Variants in PLA2G10 observed in about 807,000 individuals in gnomAD.
The protein encoded by PLA2G10 is phospholipase A2 group X, also known as group 10 secretory phospholipase A2.
PLA2G10 carries 9 observed loss-of-function variants against 7.9 expected under a neutral mutation model. The observed-to-expected ratio is 1.14, with a 90% confidence interval of 0.68 to 1.98. PLA2G10 has a LOEUF of 1.98. Ranked by LOEUF, PLA2G10 falls within the 30% of genes most tolerant of loss-of-function variation. The probability of loss-of-function intolerance (pLI) is 0.00; values close to 1 mark genes in which losing one functional copy is unlikely to be tolerated. For synonymous variants in PLA2G10, 19 were observed against 27.5 expected (o/e 0.69, Z 0.97); for missense variants, 53 against 65.4 (o/e 0.81, Z 0.66).
chr16:14,681,016 A>G (rs1169337490), intron 3 of PLA2G10, among the ~76,000 whole-genome samples: 1 of 151,850 alleles, frequency 6.6e-6, no homozygotes, highest in Non-Finnish European at 1.5e-5. Context: ...ACAAAAAAAA[A>G]TTAGCTGGGT....
intron 3 of PLA2G10, among the ~76,000 whole-genome samples, chr16:14,679,217 C>T (rs1308833428): frequency 6.6e-6 from 1 of 152,074 alleles, no homozygotes; most frequent in Non-Finnish European, 1.5e-5. Context: ...CAATGCTGGG[C>T]ACCTATCTAG....
chr16:14,677,733 G>GGAT (rs1960761903), intron 3 of PLA2G10, among the ~76,000 whole-genome samples: 1 of 152,036 alleles, frequency 6.6e-6, no homozygotes, highest in Non-Finnish European at 1.5e-5. Flanking sequence ...ATGGATGGAT[G>GGAT]GATGGATGAT....
chr16:14,682,375 C>T (rs955486565), intron 3 of PLA2G10, among the ~76,000 whole-genome samples: 2 of 151,716 alleles, frequency 1.3e-5, no homozygotes, highest in African/African-American at 2.4e-5. Context: ...GAGTTCAAGA[C>T]GAGCCTAGCC....
At position 14,687,433 on chromosome 16, in the gene PLA2G10, G is replaced by A. The variant is rs538613669; in HGVS notation, c.355+732C>T. Among the ~76,000 whole-genome samples the A allele has an allele frequency of 1.9e-4, 29 of 150,752 alleles. No individual in the cohort carries two copies. The South Asian group carries it at 2.7e-3, about 14-fold the overall frequency. On this transcript the variant is annotated intron_variant, in intron 3 of 3. Coordinates refer to ENST00000438167, the MANE Select transcript of PLA2G10 (RefSeq NM_003561.3). Reference sequence around the variant, plus strand: ...AGCCTCAACCTCCTGGGCTTCAAGCGATCCTCCCACCTCAGCCTCCCAAGT... The same window carrying A: ...AGCCTCAACCTCCTGGGCTTCAAGCAATCCTCCCACCTCAGCCTCCCAAGT...
intron 3 of PLA2G10, among the ~76,000 whole-genome samples, chr16:14,674,073 A>G (rs1362301327): frequency 2.6e-5 from 4 of 152,276 alleles, no homozygotes; most frequent in East Asian, 1.9e-4. Context: ...CTATACATCA[A>G]TAAGGACTAA....
chr16:14,673,968 T>C, intron 3 of PLA2G10, among the ~76,000 whole-genome samples: 1 of 152,014 alleles, frequency 6.6e-6, no homozygotes, highest in East Asian at 1.9e-4. Context: ...AATGATACAA[T>C]CATATACCTA....
chr16:14,677,969 T>A (rs550277160), intron 3 of PLA2G10, among the ~76,000 whole-genome samples: 3 of 152,044 alleles, frequency 2.0e-5, no homozygotes, highest in Non-Finnish European at 4.4e-5. Flanking sequence ...AATGGATGAA[T>A]AGATGGCGAG....
At chr16:14,678,916 G>GGACTC (rs1262918681) in intron 3 of PLA2G10, among the ~76,000 whole-genome samples, 1 of 151,922 alleles carries the variant, frequency 6.6e-6, no homozygotes, top group African/African-American at 2.4e-5. Flanking sequence ...TCACTCTGGG[G>GGACTC]GACTCTGCTC....
At chr16:14,685,050 G>A (rs1456403259) in intron 3 of PLA2G10, among the ~76,000 whole-genome samples, 1 of 152,054 alleles carries the variant, frequency 6.6e-6, no homozygotes, top group African/African-American at 2.4e-5. Context: ...GCCATAAAAT[G>A]AATGACGTAC....
At chr16:14,673,989 G>A (rs1234744923) in intron 3 of PLA2G10, among the ~76,000 whole-genome samples, 1 of 152,164 alleles carries the variant, frequency 6.6e-6, no homozygotes, top group Non-Finnish European at 1.5e-5. Flanking sequence ...GAAAATCCTA[G>A]AGACTCCTCC....
intron 3 of PLA2G10, among the ~76,000 whole-genome samples, chr16:14,687,508 T>C (rs1421865205): frequency 1.3e-5 from 2 of 151,836 alleles, no homozygotes; most frequent in African/African-American, 4.8e-5. Context: ...GTTAAAAAAA[T>C]CCTTTAACTT....
At chr16:14,685,067 A>C (rs1288432369) in intron 3 of PLA2G10, among the ~76,000 whole-genome samples, 3 of 152,158 alleles carry the variant, frequency 2.0e-5, no homozygotes, top group Admixed American at 1.3e-4. Context: ...GTACTGACAC[A>C]TGCTATTAAT....
At chr16:14,684,569 G>C (rs993925330) in intron 3 of PLA2G10, among the ~76,000 whole-genome samples, 2 of 152,098 alleles carry the variant, frequency 1.3e-5, no homozygotes, top group African/African-American at 2.4e-5. Flanking sequence ...AGGAGGCTGA[G>C]GCAGGAGAAT....
chr16:14,685,370 CAAAA>C (rs1237588588), intron 3 of PLA2G10, among the ~76,000 whole-genome samples: 4 of 62,920 alleles, frequency 6.4e-5, no homozygotes, highest in Admixed American at 1.8e-4. Context: ...GATTTCGTGT[CAAAA>C]AAAAAAAAAA....
At chr16:14,676,306 G>A (rs59989651) in intron 3 of PLA2G10, among the ~76,000 whole-genome samples, 10 of 152,108 alleles carry the variant, frequency 6.6e-5, no homozygotes, top group East Asian at 3.8e-4. Context: ...AAAGACGTGC[G>A]CGCATTTGTT....
chr16:14,684,696 C>T (rs568004392), intron 3 of PLA2G10, among the ~76,000 whole-genome samples: 1 of 152,102 alleles, frequency 6.6e-6, no homozygotes, highest in African/African-American at 2.4e-5. Context: ...GTGCCACACA[C>T]CTATAGTCTC....
At chr16:14,676,232 A>G (rs894164973) in intron 3 of PLA2G10, among the ~76,000 whole-genome samples, 6 of 152,228 alleles carry the variant, frequency 3.9e-5, no homozygotes, top group Admixed American at 6.5e-5. Flanking sequence ...AAGTAAATCT[A>G]CTATTCTTTC....
chr16:14,679,385 G>A (rs970293749), intron 3 of PLA2G10, among the ~76,000 whole-genome samples: 6 of 152,054 alleles, frequency 3.9e-5, no homozygotes, highest in East Asian at 3.9e-4. Context: ...AATACAGGCC[G>A]GGCGTGGTGC....
At chr16:14,674,332 T>C (rs1234397031) in intron 3 of PLA2G10, among the ~76,000 whole-genome samples, 1 of 152,204 alleles carries the variant, frequency 6.6e-6, no homozygotes, top group Non-Finnish European at 1.5e-5. Context: ...ACAGATTCAA[T>C]GCAATTCCTA....
Sources: gnomAD v4.1 joint callset for allele counts (sites outside exome capture counted in the v4.1 genomes callset) on GRCh38, gnomAD v4.1.1 for gene constraint, MANE v1.5 for transcripts, NCBI Gene and HGNC (gene_info 2026-07-23, HGNC 2026-07-21) for gene names.